Variants in MTCL2 observed in about 807,000 individuals in gnomAD.
The protein encoded by MTCL2 is microtubule cross-linking factor 2.
the MTCL2 span, chr20:36,815,541 C>T: frequency 8.9e-6 from 14 of 1,572,396 alleles, no homozygotes; most frequent in South Asian, 1.2e-5. The surrounding 1 kb of genome is among the most constrained non-coding windows in gnomAD (Gnocchi z 5.3). Context: ...GTGTGTCTCG[C>T]CCAGGGGAGC....
chr20:36,815,564 G>A, the MTCL2 span: 1 of 1,571,900 alleles, frequency 6.4e-7, no homozygotes, highest in Non-Finnish European at 8.6e-7. This position sits in a 1 kb window ranked among gnomAD's most constrained non-coding sequence, Gnocchi z 5.3. Context: ...GCACACACTG[G>A]GCAGAGTCCC....
At chr20:36,797,060 A>C in the MTCL2 span, 1 of 958,396 alleles carries the variant, frequency 1.0e-6, no homozygotes, top group Non-Finnish European at 1.7e-6. Context: ...TCATCCGGAG[A>C]GCAGGAATGA....
chr20:36,786,645 GAGGGAGGC>G, the MTCL2 span: 7 of 1,547,498 alleles, frequency 4.5e-6, no homozygotes, highest in South Asian at 6.0e-5. Flanking sequence ...GTCCTAGGAA[GAGGGAGGC>G]AGGGAGGCAG....
At chr20:36,793,238 C>T in the MTCL2 span, 2 of 1,547,648 alleles carry the variant, frequency 1.3e-6, no homozygotes, top group Admixed American at 4.0e-5. The surrounding 1 kb of genome is among the most constrained non-coding windows in gnomAD (Gnocchi z 6.8). Context: ...GGACAGATCC[C>T]ACCCACCTAC....
the MTCL2 span, among the ~76,000 whole-genome samples, chr20:36,857,410 A>C: frequency 6.6e-6 from 1 of 152,056 alleles, no homozygotes; most frequent in African/African-American, 2.4e-5. Context: ...TATCCTCTCT[A>C]ATCTGTCTGG....
the MTCL2 span, among the ~76,000 whole-genome samples, chr20:36,789,518 G>A: frequency 1.2e-4 from 18 of 152,010 alleles, no homozygotes; most frequent in East Asian, 5.8e-4. Context: ...AAAAGTAGCC[G>A]GGCGTGGTGG....
chr20:36,825,917 G>A, the MTCL2 span, among the ~76,000 whole-genome samples: 1 of 152,148 alleles, frequency 6.6e-6, no homozygotes, highest in Non-Finnish European at 1.5e-5. Flanking sequence ...TGTTTCTTGA[G>A]CACCTACTCT....
the MTCL2 span, among the ~76,000 whole-genome samples, chr20:36,854,302 A>G: frequency 6.6e-6 from 1 of 152,170 alleles, no homozygotes; most frequent in African/African-American, 2.4e-5. Flanking sequence ...TGGGGCAGTG[A>G]TGGCATGAAA....
At chr20:36,836,476 C>A in the MTCL2 span, among the ~76,000 whole-genome samples, 2 of 150,670 alleles carry the variant, frequency 1.3e-5, no homozygotes, top group Non-Finnish European at 2.9e-5. Flanking sequence ...TCCTGAGTAG[C>A]TGGGAGTACA....
At chr20:36,833,058 G>T in the MTCL2 span, among the ~76,000 whole-genome samples, 1 of 152,146 alleles carries the variant, frequency 6.6e-6, no homozygotes, top group African/African-American at 2.4e-5. Context: ...TCCCCATTCT[G>T]AGGCTCAGAA....
the MTCL2 span, chr20:36,859,667 C>G: frequency 4.1e-6 from 5 of 1,231,780 alleles, no homozygotes; most frequent in Non-Finnish European, 5.1e-6. Flanking sequence ...CCATACCAGA[C>G]TGGAGATCAC....
At chr20:36,859,793 C>T in the MTCL2 span, 1 of 1,231,734 alleles carries the variant, frequency 8.1e-7, no homozygotes, top group Non-Finnish European at 1.0e-6. Context: ...AGGGGACATA[C>T]TGGGGATTTG....
chr20:36,847,762 G>A, the MTCL2 span, among the ~76,000 whole-genome samples: 1 of 151,316 alleles, frequency 6.6e-6, no homozygotes, highest in Non-Finnish European at 1.5e-5. Context: ...GCTGCAACAG[G>A]AGGATCACTT....
At chr20:36,852,556 G>C in the MTCL2 span, among the ~76,000 whole-genome samples, 1 of 152,242 alleles carries the variant, frequency 6.6e-6, no homozygotes, top group Admixed American at 6.5e-5. Context: ...GGGCACAGCA[G>C]CAGGGGAGGG....
chr20:36,850,753 ACTGTTTAAAATTTTCTC>A, the MTCL2 span, among the ~76,000 whole-genome samples: 6 of 152,206 alleles, frequency 3.9e-5, no homozygotes, highest in African/African-American at 1.4e-4. Context: ...TGTGGTTAAA[ACTGTTTAAAATTTTCTC>A]CTGTTTAAAA....
At chr20:36,782,975 G>C in the MTCL2 span, 1 of 151,892 alleles carries the variant, frequency 6.6e-6, no homozygotes, top group Non-Finnish European at 1.5e-5. Context: ...GGACATTCTA[G>C]ATAGGAGGGG....
the MTCL2 span, among the ~76,000 whole-genome samples, chr20:36,833,310 C>A: frequency 1.3e-5 from 2 of 152,244 alleles, no homozygotes; most frequent in South Asian, 4.1e-4. Context: ...TCCCAGCTAC[C>A]CTCAAGGTAG....
chr20:36,806,068 T>C, the MTCL2 span: 7 of 757,250 alleles, frequency 9.2e-6, no homozygotes, highest in Non-Finnish European at 1.5e-5. Context: ...CAGGCCCTCC[T>C]AGCCTCCCAC....
chr20:36,815,352 G>T, the MTCL2 span: 2 of 1,613,726 alleles, frequency 1.2e-6, no homozygotes, highest in Non-Finnish European at 1.7e-6. This position sits in a 1 kb window ranked among gnomAD's most constrained non-coding sequence, Gnocchi z 5.3. Flanking sequence ...GTTGTCGGGG[G>T]CCTCATGCAG....
Sources: gnomAD v4.1 joint callset for allele counts (sites outside exome capture counted in the v4.1 genomes callset) on GRCh38, gnomAD v4.1.1 for gene constraint, Gnocchi (gnomAD v3.1) non-coding constraint, MANE v1.5 for transcripts, NCBI Gene and HGNC (gene_info 2026-07-23, HGNC 2026-07-21) for gene names.